The following TLE6 variants were observed in gnomAD, a reference collection of about 807,000 sequenced individuals.
The protein encoded by TLE6 is TLE family member 6, subcortical maternal complex member, also known as transducin-like enhancer protein 6.
A neutral mutation model predicts 77.1 loss-of-function variants in TLE6; 72 were observed. The ratio of observed to expected loss-of-function variants is 0.93; its 90% confidence interval spans 0.77 to 1.14. The LOEUF is 1.14. TLE6 is among the 50% of genes most tolerant of loss of function. TLE6 has a pLI of 0.00. For missense variants in TLE6, 843 were observed against 747.6 expected (o/e 1.13, Z -1.49); for synonymous variants, 366 against 287.3 (o/e 1.27, Z -2.77).
chr19:2,979,964 CAAAAAAAA>C (rs58993753), intron 2 of TLE6, 128 bp from the exon 3 acceptor site: 4 of 367,224 alleles, frequency 1.1e-5, no homozygotes, highest in Non-Finnish European at 1.9e-5. Flanking sequence ...ACTCGGTTTC[CAAAAAAAA>C]AAAAAAAAGC....
chr19:2,987,005 G>A lies in TLE6; in HGVS notation c.308G>A (p.Ser103Asn). ...SEEVSPAEPA[S>N]PGTPQQVKDK... Reference sequence around the variant, plus strand: ...CAGGTCTCACCTGCTGAACCAGCCAGCCCTGGGACGCCCCAGCAGGTGAAG... The same window carrying A: ...CAGGTCTCACCTGCTGAACCAGCCAACCCTGGGACGCCCCAGCAGGTGAAG... The change falls in exon 7 of 17, where the codon AGC becomes AAC. Residue 103 changes from serine to asparagine, a missense_variant. Physicochemically the swap from Ser to Asn is conservative, Grantham distance 46. Coordinates refer to ENST00000246112, the MANE Select transcript of TLE6 (RefSeq NM_001143986.2). 6.2e-7 allele frequency: 1 copy of A among 1,613,108 alleles called. No homozygotes were observed. Among genetic ancestry groups the A allele is most frequent in the South Asian group, 1.1e-5 (1 of 91,044 alleles).
rs929996692 is a variant in TLE6, at chr19:2,989,786, G to C, written c.1244+1G>C. On this transcript the variant is annotated splice_donor_variant, in intron 13 of 16. Coordinates refer to ENST00000246112, the MANE Select transcript of TLE6 (RefSeq NM_001143986.2). LOFTEE classifies it high-confidence loss of function. ...ACCTGCGGGATCAGAGTGTGGTCAG[G>C]TGCGTTTGGGGGGTGGGAAGGGGAA... is the stretch of plus-strand genomic sequence containing the variant. 4 of 1,611,180 alleles carry C rather than the reference G, an allele frequency of 2.5e-6. No homozygotes were observed. Among genetic ancestry groups the C allele is most frequent in the Non-Finnish European group, 3.4e-6 (4 of 1,177,922 alleles).
rs1165814008 is a variant in TLE6, at chr19:2,987,586, T to A, written c.559-138T>A. 3.5e-6 allele frequency: 4 copies of A among 1,145,544 alleles called. No homozygotes were observed. In the Middle Eastern group the frequency reaches 7.1e-4, roughly 203 times the overall value. 71.0% of individuals were successfully genotyped at this position (1,145,544 alleles called of 1,614,324 possible). ...CTTCCAGGACCCTATACCCTGACTC[T>A]CTCTCTGCAACTCTGCCTGGACCCG... On this transcript the variant is annotated intron_variant, in intron 8 of 16. Coordinates refer to ENST00000246112, the MANE Select transcript of TLE6 (RefSeq NM_001143986.2).
chr19:2,986,524 G>A (rs1049909223), intron 5 of TLE6, among the ~76,000 whole-genome samples: 2 of 151,832 alleles, frequency 1.3e-5, no homozygotes, highest in Admixed American at 6.6e-5. Context: ...GACCAGCCTG[G>A]CCAACATGGT....
In TLE6 at chr19:2,994,860, G is replaced by A. The variant is rs371796853; in HGVS notation, c.1615-40G>A. 22 of 1,265,332 alleles carry A rather than the reference G, an allele frequency of 1.7e-5. No individual in the cohort carries two copies. In the African/African-American group the frequency reaches 2.5e-4, roughly 14 times the overall value. 78.4% of individuals were successfully genotyped at this position (1,265,332 alleles called of 1,614,324 possible). A position where few individuals can be genotyped will look rare whatever the true frequency, so the allele number is the denominator to read the frequency against. On this transcript the variant is annotated intron_variant, in intron 16 of 16. Coordinates refer to ENST00000246112, the MANE Select transcript of TLE6 (RefSeq NM_001143986.2). ...TGACAGGTGGAGACCAGGGGTGTGT[G>A]AGCCCTACCCCAGCTCACTGCCCAC...
At chr19:2,978,310 G>T in intron 2 of TLE6, 26 bp downstream of exon 2, 1 of 1,550,850 alleles carries the variant, frequency 6.4e-7, no homozygotes, top group South Asian at 1.2e-5. Context: ...GGTGGGATCA[G>T]CCCTCAAGGG....
chr19:2,979,527 A>G (rs1481967195), intron 2 of TLE6, among the ~76,000 whole-genome samples: 2 of 152,118 alleles, frequency 1.3e-5, no homozygotes, highest in Non-Finnish European at 2.9e-5. Context: ...GATTACAGGC[A>G]TGAGCCACCT....
rs2089133876 is a variant in TLE6, at chr19:2,993,527, G to T, written c.1482G>T (p.Arg494=). ...QWLQSTSGSQ[R]HMVGQKDSVI... ...TGCAAAGCACCAGCGGGAGCCAGCG[G>T]CACATGGTGGGGCAAAAAGACAGCG... The change falls in exon 15 of 17, where the codon CGG becomes CGT. Residue 494 remains arginine (R), a synonymous_variant. Coordinates refer to ENST00000246112, the MANE Select transcript of TLE6 (RefSeq NM_001143986.2). 1 of 1,590,654 alleles carries T rather than the reference G, an allele frequency of 6.3e-7. No individual in the cohort carries two copies. The highest frequency in any genetic ancestry group is 1.1e-5 in the South Asian group (1 of 90,236).
chr19:2,995,142 G>A lies in TLE6; in HGVS notation c.*138G>A. 1 of 544,530 alleles carries A rather than the reference G, an allele frequency of 1.8e-6. No homozygotes were observed. Among genetic ancestry groups the A allele is most frequent in the Non-Finnish European group, 3.3e-6 (1 of 306,548 alleles). The allele number at this position is 544,530 out of a possible 1,614,324, so 33.7% of individuals were successfully genotyped here. On this transcript the variant is annotated 3_prime_UTR_variant, in exon 17 of 17. Coordinates refer to ENST00000246112, the MANE Select transcript of TLE6 (RefSeq NM_001143986.2). Reference sequence around the variant, plus strand: ...CACGATCTAGTCTGTGGTGTAGACTGGTCGCCATCACGTGTAATAAAGCAC... The same window carrying A: ...CACGATCTAGTCTGTGGTGTAGACTAGTCGCCATCACGTGTAATAAAGCAC...
chr19:2,982,042 T>A, intron 4 of TLE6, 106 bp from the exon 5 acceptor site: 2 of 1,192,016 alleles, frequency 1.7e-6, no homozygotes, highest in Non-Finnish European at 2.4e-6. Flanking sequence ...AAACAAAAAT[T>A]TAAGGTGGGG....
At chr19:2,994,208 G>T in intron 16 of TLE6, 113 bp downstream of exon 16, 1 of 843,878 alleles carries the variant, frequency 1.2e-6, no homozygotes. Context: ...AGGTGTGGTG[G>T]CTCACGGCTT....
intron 5 of TLE6, 62 bp downstream of exon 5, chr19:2,982,251 A>AG: frequency 2.0e-6 from 3 of 1,535,792 alleles, no homozygotes; most frequent in South Asian, 1.2e-5. Flanking sequence ...GAAAGCACAG[A>AG]GGGGGGCCGG....
chr19:2,982,025 A>G lies in TLE6; in HGVS notation c.181-123A>G, dbSNP rs1057426202. ...GTAGTAAGAAAGTAAAAGAGAAAAC[A>G]AGGTGAAAACAAAAATTTAAGGTGG... On this transcript the variant is annotated intron_variant, in intron 4 of 16. Transcript: ENST00000246112. 9 of 946,884 alleles carry G rather than the reference A, an allele frequency of 9.5e-6. No individual in the cohort carries two copies. The African/African-American group carries it at 1.3e-4, about 14-fold the overall frequency. 58.7% of individuals were successfully genotyped at this position (946,884 alleles called of 1,614,324 possible). A position where few individuals can be genotyped will look rare whatever the true frequency, so the allele number is the denominator to read the frequency against.
rs772976016 is a variant in TLE6, at chr19:2,989,211, C to G, written c.891C>G (p.Phe297Leu). ...TGCTCGCCACGGCCATCAGCAGCTT[C>G]ACGCGGCACGTGTTCACCTGTGGCA... ...ELVLATAISSFTRHVFTCGRR... is the reference protein window; with the variant it reads ...ELVLATAISSLTRHVFTCGRR... Residue 297 changes from phenylalanine to leucine, a missense_variant, in exon 12 of 17, where the codon TTC becomes TTG. Physicochemically the swap from Phe to Leu is conservative, Grantham distance 22. Coordinates refer to ENST00000246112, the MANE Select transcript of TLE6 (RefSeq NM_001143986.2). The G allele has an allele frequency of 1.2e-6, 2 of 1,614,142 alleles. No individual in the cohort carries two copies. The highest frequency in any genetic ancestry group is 1.7e-6 in the Non-Finnish European group (2 of 1,180,042).
At chr19:2,978,782 T>A in intron 2 of TLE6, among the ~76,000 whole-genome samples, 1 of 152,126 alleles carries the variant, frequency 6.6e-6, no homozygotes, top group East Asian at 1.9e-4. Context: ...TAATCACATA[T>A]GTGATAAAAA....
At chr19:2,978,348 C>T in intron 2 of TLE6, 64 bp downstream of exon 2, 47 of 1,517,568 alleles carry the variant, frequency 3.1e-5, no homozygotes, top group Non-Finnish European at 4.2e-5. Flanking sequence ...GGTTCTGCCC[C>T]TTTTCCACCT....
Position 2,989,233 on chromosome 19 carries a change from G to T in TLE6, c.913G>T (p.Gly305Cys). ...SSFTRHVFTC[G>C]RRGIKVWSLT... ...CTTCACGCGGCACGTGTTCACCTGTGGCAGAAGAGGCATCAAGGTGTGGAG... is the reference window on the plus strand; with the variant it reads ...CTTCACGCGGCACGTGTTCACCTGTTGCAGAAGAGGCATCAAGGTGTGGAG... The change falls in exon 12 of 17, where the codon GGC becomes TGC. Residue 305 changes from glycine (G) to cysteine (C), a missense_variant. By Grantham distance (159) the Gly-to-Cys change is radical. Transcript: ENST00000246112. 1 of 1,614,052 alleles carries T rather than the reference G, an allele frequency of 6.2e-7. No homozygotes were observed. Among genetic ancestry groups the T allele is most frequent in the Non-Finnish European group, 8.5e-7 (1 of 1,180,036 alleles).
intron 5 of TLE6, 83 bp from the exon 6 acceptor site, chr19:2,986,746 A>G (rs891931520): frequency 1.2e-5 from 16 of 1,334,638 alleles, no homozygotes; most frequent in Middle Eastern, 2.0e-4. Context: ...ACCTTCTTCT[A>G]CAGGTGGGGA....
intron 11 of TLE6, among the ~76,000 whole-genome samples, chr19:2,988,608 C>T (rs2145048092): frequency 6.6e-6 from 1 of 152,096 alleles, no homozygotes; most frequent in South Asian, 2.1e-4. Flanking sequence ...AAAAAAAGTG[C>T]AGTGTTAGGC....
Sources: allele counts gnomAD v4.1 joint callset (sites outside exome capture counted in the v4.1 genomes callset), GRCh38; gene constraint gnomAD v4.1.1; transcripts MANE v1.5; gene names NCBI Gene and HGNC (gene_info 2026-07-23, HGNC 2026-07-21).